Variants in KAZN observed in about 807,000 individuals in gnomAD.
KAZN encodes kazrin, periplakin interacting protein, also known as kazrin.
KAZN carries 40 observed loss-of-function variants against 87.4 expected under a neutral mutation model. The observed-to-expected ratio is 0.46, with a 90% CI of 0.36 to 0.60. KAZN has a LOEUF of 0.60. KAZN is among the 20% of genes least tolerant of loss of function. The pLI is 0.00. For missense variants in KAZN, 898 were observed against 1,073.9 expected, an observed-to-expected ratio of 0.84 and a Z score of 2.29; for synonymous variants, 466 against 458.3, an observed-to-expected ratio of 1.02 and a Z score of -0.22.
chr1:14,282,320 T>TC, intron 2 of KAZN, among the ~76,000 whole-genome samples: 1 of 152,274 alleles, frequency 6.6e-6, no homozygotes, highest in Non-Finnish European at 1.5e-5. Context: ...TCATTACAAC[T>TC]CCAACCTGAA....
intron 2 of KAZN, among the ~76,000 whole-genome samples, chr1:14,316,328 T>C (rs888866837): frequency 3.3e-5 from 5 of 152,038 alleles, no homozygotes; most frequent in African/African-American, 1.2e-4. Context: ...ATTTCAATTA[T>C]ATTGTTAAAT....
intron 1 of KAZN, among the ~76,000 whole-genome samples, chr1:13,946,194 T>A (rs1440888481): frequency 6.6e-6 from 1 of 152,230 alleles, no homozygotes; most frequent in Non-Finnish European, 1.5e-5. Context: ...ATGTCATGAT[T>A]TAAGTGCCTT....
At chr1:15,101,866 CG>C (rs1265915529) in intron 11 of KAZN, 92 bp downstream of exon 11, 1 of 762,478 alleles carries the variant, frequency 1.3e-6, no homozygotes, top group Non-Finnish European at 2.2e-6. Flanking sequence ...ACCCACTACC[CG>C]TCTATCCATC....
At chr1:14,126,182 T>G (rs1379276374) in intron 1 of KAZN, among the ~76,000 whole-genome samples, 1 of 152,120 alleles carries the variant, frequency 6.6e-6, no homozygotes, top group African/African-American at 2.4e-5. Context: ...TAGGACACAG[T>G]TGCAACTGAA....
chr1:14,359,665 T>C (rs1659337301), intron 2 of KAZN, among the ~76,000 whole-genome samples: 1 of 152,198 alleles, frequency 6.6e-6, no homozygotes, highest in African/African-American at 2.4e-5. Flanking sequence ...TGCTTGTCTG[T>C]AAAGGATTTT....
intron 1 of KAZN, among the ~76,000 whole-genome samples, chr1:14,670,902 G>GT (rs1360137389): frequency 6.6e-6 from 1 of 152,234 alleles, no homozygotes; most frequent in African/African-American, 2.4e-5. Context: ...ATTTGACAAT[G>GT]TCTGAAAACA....
At chr1:14,708,571 TCA>T (rs1642332216) in intron 1 of KAZN, among the ~76,000 whole-genome samples, 1 of 152,244 alleles carries the variant, frequency 6.6e-6, no homozygotes, top group Non-Finnish European at 1.5e-5. Flanking sequence ...CAGAGAGTTT[TCA>T]CACAGTCTTT....
intron 2 of KAZN, among the ~76,000 whole-genome samples, chr1:14,320,889 G>C (rs533791977): frequency 3.3e-5 from 5 of 152,258 alleles, no homozygotes; most frequent in Non-Finnish European, 7.4e-5. Flanking sequence ...TCAAATTCAT[G>C]AGTTAGACAT....
intron 1 of KAZN, among the ~76,000 whole-genome samples, chr1:14,736,503 G>T (rs1487979638): frequency 2.2e-5 from 3 of 134,044 alleles, no homozygotes; most frequent in Non-Finnish European, 3.1e-5. Context: ...TAGAGACAAG[G>T]TTTCATCGTG....
At chr1:14,535,261 C>T (rs1672421137) in intron 2 of KAZN, among the ~76,000 whole-genome samples, 3 of 152,218 alleles carry the variant, frequency 2.0e-5, no homozygotes, top group African/African-American at 7.2e-5. Context: ...CACCCCTATG[C>T]CCCTTCTCCT....
chr1:14,716,794 A>G (rs1330324460), intron 1 of KAZN, among the ~76,000 whole-genome samples: 1 of 152,138 alleles, frequency 6.6e-6, no homozygotes, highest in African/African-American at 2.4e-5. Flanking sequence ...GCAATCCCAG[A>G]CATGGCTCTA....
At chr1:14,159,405 T>G (rs112466627) in intron 1 of KAZN, among the ~76,000 whole-genome samples, 4,266 of 152,262 alleles carry the variant, frequency 0.028, 200 homozygotes, top group African/African-American at 0.097. Context: ...GGTCCATGCA[T>G]AGTACTGCTA....
intron 1 of KAZN, among the ~76,000 whole-genome samples, chr1:14,038,784 G>T (rs1570587816): frequency 6.6e-6 from 1 of 152,306 alleles, no homozygotes; most frequent in South Asian, 2.1e-4. Flanking sequence ...AGTTGAAAAT[G>T]AGATAAATAG....
intron 1 of KAZN, among the ~76,000 whole-genome samples, chr1:14,826,931 G>C (rs1353937087): frequency 2.6e-5 from 4 of 152,220 alleles, no homozygotes; most frequent in Non-Finnish European, 5.9e-5. Flanking sequence ...CTCGGCGGCT[G>C]TGTGATGTGG....
At chr1:13,927,924 G>A (rs2100924308) in intron 1 of KAZN, among the ~76,000 whole-genome samples, 1 of 152,318 alleles carries the variant, frequency 6.6e-6, no homozygotes, top group Non-Finnish European at 1.5e-5. Flanking sequence ...CCAGGCAGGG[G>A]CAGGGCCCCT....
At chr1:15,104,797 C>T (rs1350664222) in intron 13 of KAZN, among the ~76,000 whole-genome samples, 1 of 152,170 alleles carries the variant, frequency 6.6e-6, no homozygotes, top group Non-Finnish European at 1.5e-5. Flanking sequence ...TGTGAACTAT[C>T]TAATTTCATC....
At chr1:15,095,793 G>GGTTT (rs1640781842) in intron 10 of KAZN, among the ~76,000 whole-genome samples, 1 of 152,178 alleles carries the variant, frequency 6.6e-6, no homozygotes, top group Non-Finnish European at 1.5e-5. Flanking sequence ...TTAGAAGCAG[G>GGTTT]GTTTGGGGTG....
intron 2 of KAZN, among the ~76,000 whole-genome samples, chr1:15,014,289 A>C (rs960788887): frequency 1.3e-5 from 2 of 152,076 alleles, no homozygotes; most frequent in Non-Finnish European, 2.9e-5. Context: ...AGTGACTTTT[A>C]CTTTCTGAGC....
intron 2 of KAZN, among the ~76,000 whole-genome samples, chr1:14,236,535 A>G (rs1022867739): frequency 6.6e-6 from 1 of 152,186 alleles, no homozygotes; most frequent in Non-Finnish European, 1.5e-5. Context: ...AACAGACCAG[A>G]GCAAAGCTCT....
Sources: gnomAD v4.1 joint callset for allele counts (sites outside exome capture counted in the v4.1 genomes callset) on GRCh38, gnomAD v4.1.1 for gene constraint, MANE v1.5 for transcripts, NCBI Gene and HGNC (gene_info 2026-07-23, HGNC 2026-07-21) for gene names.